MCM2: variants seen among roughly 807,000 people sequenced by gnomAD.
MCM2 encodes the protein minichromosome maintenance complex component 2, also known as DNA replication licensing factor MCM2.
Under a neutral mutation model 86.4 loss-of-function variants are expected in MCM2, and 49 were observed. The observed-to-expected ratio is 0.57, with a 90% CI of 0.45 to 0.72. The LOEUF (loss-of-function observed/expected upper bound fraction) is 0.72, where lower values mean the gene tolerates loss of function less well. Ranked by LOEUF, MCM2 falls within the 30% of genes least tolerant of loss-of-function variation. The pLI is 0.00. For synonymous variants in MCM2, 475 were observed against 484.6 expected (o/e 0.98, Z 0.26); for missense variants, 1,038 against 1,259.9 (o/e 0.82, Z 2.67).
intron 9 of MCM2, 134 bp downstream of exon 9, chr3:127,616,089 G>A: frequency 1.4e-6 from 1 of 722,294 alleles, no homozygotes; most frequent in Non-Finnish European, 2.3e-6. Flanking sequence ...GTCTGGCTGG[G>A]CGTGACTCAT....
rs548408307 is a variant in MCM2 at position 127,621,127 on chromosome 3, A to T, written c.2503A>T (p.Ile835Leu). The part of the protein sequence containing the change: ...RRDNNELLLF[I>L]LKQLVAEQVT... ...TGACAACAATGAGCTGTTGCTCTTC[A>T]TACTGAAGCAGTTAGTGGCAGAGCA... Residue 835 changes from isoleucine (I) to leucine (L), a missense_variant, in exon 15 of 16, where the codon ATA becomes TTA. Around this residue, in one of 4 missense-constraint regions of MCM2, gnomAD observed 336 missense variants for 425.7 expected, o/e 0.79. Coordinates refer to ENST00000265056, the MANE Select transcript of MCM2 (RefSeq NM_004526.4). 6.2e-6 allele frequency: 10 copies of T among 1,614,248 alleles called. 2 individuals carry two copies. The South Asian group carries it at 9.9e-5, about 16-fold the overall frequency.
intron 8 of MCM2, among the ~76,000 whole-genome samples, chr3:127,609,642 A>C (rs960594874): frequency 1.3e-5 from 2 of 152,090 alleles, no homozygotes; most frequent in African/African-American, 4.8e-5. Flanking sequence ...AGACATCCTT[A>C]CTGAAGGATG....
At chr3:127,608,707 A>G (rs2074369477) in intron 7 of MCM2, 125 bp from the exon 8 acceptor site, 1 of 1,197,338 alleles carries the variant, frequency 8.4e-7, no homozygotes, top group Non-Finnish European at 1.2e-6. Context: ...GAGGGGTTTT[A>G]CTGAGTTACT....
intron 13 of MCM2, among the ~76,000 whole-genome samples, chr3:127,620,488 C>T (rs370475400): frequency 3.9e-5 from 6 of 152,112 alleles, no homozygotes; most frequent in East Asian, 1.9e-4. Flanking sequence ...GGTGACAGGC[C>T]GTAAGCATGC....
At position 127,600,679 on chromosome 3, in the gene MCM2, G is replaced by C. The variant is rs191734370; in HGVS notation, c.236+1132G>C. Among the ~76,000 whole-genome samples, 9 of 152,146 alleles carry C rather than the reference G, an allele frequency of 5.9e-5. No homozygotes were observed. The East Asian group carries it at 1.7e-3, about 29-fold the overall frequency. On this transcript the variant is annotated intron_variant, in intron 2 of 15. Coordinates refer to ENST00000265056, the MANE Select transcript of MCM2 (RefSeq NM_004526.4). ...GCCCTGGACTTGGGGTCAGGGCATGGGTCCTAGACGGCTTTCCTGTTCTGC... is the reference window on the plus strand; with the variant it reads ...GCCCTGGACTTGGGGTCAGGGCATGCGTCCTAGACGGCTTTCCTGTTCTGC...
chr3:127,612,666 C>T (rs1418383157), intron 8 of MCM2, among the ~76,000 whole-genome samples: 9 of 152,206 alleles, frequency 5.9e-5, no homozygotes, highest in Admixed American at 5.9e-4. Flanking sequence ...ATCTCAGGCT[C>T]ATGGTACCCA....
At chr3:127,601,937 G>T (rs2074308952) in intron 2 of MCM2, among the ~76,000 whole-genome samples, 1 of 152,090 alleles carries the variant, frequency 6.6e-6, no homozygotes, top group Admixed American at 6.6e-5. Context: ...ATGCTTGATT[G>T]GCTATCTGTG....
At chr3:127,600,974 T>C (rs2074303346) in intron 2 of MCM2, among the ~76,000 whole-genome samples, 1 of 152,138 alleles carries the variant, frequency 6.6e-6, no homozygotes, top group Non-Finnish European at 1.5e-5. Flanking sequence ...TTTCCTGAGT[T>C]ATGCAGCCTT....
chr3:127,619,797 T>C (rs17538725), intron 13 of MCM2, among the ~76,000 whole-genome samples: 2,022 of 152,224 alleles, frequency 0.013, 51 homozygotes, highest in African/African-American at 0.046. Flanking sequence ...CTGGGCAACA[T>C]AGTGAGGCCC....
Position 127,621,655 on chromosome 3 carries a change from C to T in MCM2, c.2605-8C>T. 1 of 1,598,200 alleles carries T rather than the reference C, an allele frequency of 6.3e-7. No individual in the cohort carries two copies. Among genetic ancestry groups the T allele is most frequent in the Non-Finnish European group, 8.6e-7 (1 of 1,165,820 alleles). ...ACTGATGGCTCACTGGACACTTCCTCCTTGCAGGCTCGTCAGATCAACATC... is the reference window on the plus strand; with the variant it reads ...ACTGATGGCTCACTGGACACTTCCTTCTTGCAGGCTCGTCAGATCAACATC... On this transcript the variant is annotated splice_region_variant and splice_polypyrimidine_tract_variant and intron_variant, in intron 15 of 15. Coordinates refer to ENST00000265056, the MANE Select transcript of MCM2 (RefSeq NM_004526.4).
chr3:127,611,033 AG>A, intron 8 of MCM2: 1 of 446,884 alleles, frequency 2.2e-6, no homozygotes, highest in Non-Finnish European at 4.5e-6. Flanking sequence ...ATATTTTACT[AG>A]GGTTCCCAAT....
chr3:127,602,201 T>A (rs1319454265), intron 2 of MCM2, among the ~76,000 whole-genome samples: 1 of 149,836 alleles, frequency 6.7e-6, no homozygotes, highest in Non-Finnish European at 1.5e-5. Flanking sequence ...CAATTAGAAG[T>A]TTGCTGAGGG....
chr3:127,608,562 A>G lies in MCM2; in HGVS notation c.1236+46A>G, dbSNP rs200594893. The G allele has an allele frequency of 1.9e-4, 304 of 1,610,196 alleles. 2 individuals carry two copies. Among genetic ancestry groups the G allele is most frequent in the Middle Eastern group, 1.3e-3 (8 of 6,032 alleles). ...GGGAGGGAGCCAAGTTGCAGAGGGA[A>G]CTGGCAGAAGCAGTTGTGGCTGGGC... is the stretch of plus-strand genomic sequence containing the variant. On this transcript the variant is annotated intron_variant, in intron 7 of 15. Coordinates refer to ENST00000265056, the MANE Select transcript of MCM2 (RefSeq NM_004526.4).
rs2074442907 is a variant in MCM2, at chr3:127,617,548, G to C, written c.1900+143G>C. The C allele has an allele frequency of 1.9e-6, 2 of 1,064,690 alleles. No individual in the cohort carries two copies. Among genetic ancestry groups the C allele is most frequent in the Admixed American group, 2.8e-5 (1 of 35,100 alleles). The allele number at this position is 1,064,690 out of a possible 1,614,324, so 66.0% of individuals were successfully genotyped here. A position where few individuals can be genotyped will look rare whatever the true frequency, so the allele number is the denominator to read the frequency against. On this transcript the variant is annotated intron_variant, in intron 11 of 15. Transcript: ENST00000265056. This position sits in a 1 kb window ranked among gnomAD's most constrained non-coding sequence, Gnocchi z 4.1. ...AGGGTTCCCCTCTTCTGCATATCCTGCCAGAGTGGGGAACAGTGAAAGTGG... is the reference window on the plus strand; with the variant it reads ...AGGGTTCCCCTCTTCTGCATATCCTCCCAGAGTGGGGAACAGTGAAAGTGG...
chr3:127,608,523 G>A lies in MCM2; in HGVS notation c.1236+7G>A, dbSNP rs764633218. The A allele has an allele frequency of 1.5e-5, 25 of 1,614,082 alleles. No homozygotes were observed. Among genetic ancestry groups the A allele is most frequent in the Non-Finnish European group, 2.0e-5 (24 of 1,179,970 alleles). Reference sequence around the variant, plus strand: ...CAAGCCAGGAGACGAGATAGTAAGTGGCCGGGGCAGGCTGGGAGGGAGCCA... The same window carrying A: ...CAAGCCAGGAGACGAGATAGTAAGTAGCCGGGGCAGGCTGGGAGGGAGCCA... On this transcript the variant is annotated splice_region_variant and intron_variant, in intron 7 of 15. Transcript: ENST00000265056.
At position 127,618,493 on chromosome 3, in the gene MCM2, G is replaced by T. The variant is rs1001946878; in HGVS notation, c.2013+412G>T. ...TCTGCTGTCATCAGAATAGAATCCA[G>T]GGTCCTCCCCTCCGGCCCGCACCCG... On this transcript the variant is annotated intron_variant, in intron 12 of 15. Coordinates refer to ENST00000265056, the MANE Select transcript of MCM2 (RefSeq NM_004526.4). This position sits in a 1 kb window ranked among gnomAD's most constrained non-coding sequence, Gnocchi z 4.0. 2.6e-5 allele frequency among the ~76,000 whole-genome samples: 4 copies of T among 152,126 alleles called. No individual in the cohort carries two copies. The East Asian group carries it at 7.7e-4, about 29-fold the overall frequency.
Position 127,619,167 on chromosome 3 carries a change from G to A in MCM2, c.2154G>A (p.Glu718=), listed in dbSNP as rs2074456941. 1 of 1,614,206 alleles carries A rather than the reference G, an allele frequency of 6.2e-7. No homozygotes were observed. Among genetic ancestry groups the A allele is most frequent in the Non-Finnish European group, 8.5e-7 (1 of 1,180,050 alleles). Residue 718 remains glutamate (E), a synonymous_variant, in exon 13 of 16, where the codon GAG becomes GAA. Transcript: ENST00000265056. The part of the protein sequence containing the change: ...NTYGVEPLPQ[E]VLKKYIIYAK... ...ATGGCGTGGAGCCCCTGCCCCAGGA[G>A]GTCCTGAAGAAGTACATCATCTACG... is the stretch of plus-strand genomic sequence containing the variant.
intron 1 of MCM2, 123 bp downstream of exon 1, chr3:127,598,595 G>A (rs556163328): frequency 1.9e-4 from 255 of 1,326,690 alleles, no homozygotes; most frequent in Non-Finnish European, 2.5e-4. Context: ...AGGCTCTGGG[G>A]CGCAGCTACT....
At chr3:127,621,546 A>G (rs563446608) in intron 15 of MCM2, 117 bp from the exon 16 acceptor site, 156 of 692,136 alleles carry the variant, frequency 2.3e-4, no homozygotes, top group Non-Finnish European at 3.5e-4. Flanking sequence ...CCACCCCTGG[A>G]TATTTTCCTC....
Sources: gnomAD v4.1 joint callset for allele counts (sites outside exome capture counted in the v4.1 genomes callset) on GRCh38, gnomAD v4.1.1 for gene constraint, gnomAD v4.1.1 regional missense constraint, Gnocchi (gnomAD v3.1) non-coding constraint, MANE v1.5 for transcripts, NCBI Gene and HGNC (gene_info 2026-07-23, HGNC 2026-07-21) for gene names.